Variants in TTC6 observed in about 807,000 individuals in gnomAD.
TTC6 encodes tetratricopeptide repeat protein 6.
Under a neutral mutation model 210.4 loss-of-function variants are expected in TTC6, and 172 were observed. The ratio of observed to expected loss-of-function variants is 0.82; its 90% CI spans 0.72 to 0.93. The LOEUF (loss-of-function observed/expected upper bound fraction) is 0.93. TTC6 is among the 40% of genes least tolerant of loss of function. The pLI is 0.00. For synonymous variants in TTC6, 804 were observed against 819.6 expected, an observed-to-expected ratio of 0.98 and a Z score of 0.32; for missense variants, 2,414 against 2,318.1, an observed-to-expected ratio of 1.04 and a Z score of -0.85.
intron 1 of TTC6, among the ~76,000 whole-genome samples, chr14:37,662,276 T>C (rs545008825): frequency 6.6e-6 from 1 of 152,322 alleles, no homozygotes; most frequent in South Asian, 2.1e-4. Context: ...CAGTATGATA[T>C]TGGCTGTGGG....
chr14:37,799,267 AACT>A (rs2096100157), intron 20 of TTC6, among the ~76,000 whole-genome samples: 1 of 152,196 alleles, frequency 6.6e-6, no homozygotes, highest in Non-Finnish European at 1.5e-5. Context: ...AATCATGAGA[AACT>A]ACCTTTAGTA....
intron 1 of TTC6, among the ~76,000 whole-genome samples, chr14:37,669,639 A>G (rs1483793824): frequency 6.6e-6 from 1 of 152,196 alleles, no homozygotes; most frequent in Non-Finnish European, 1.5e-5. Flanking sequence ...AGTGATCATA[A>G]TAGACTTTTG....
chr14:37,792,445 TA>T (rs969791833), intron 17 of TTC6, 31 bp downstream of exon 19: 11 of 1,432,454 alleles, frequency 7.7e-6, no homozygotes, highest in South Asian at 4.5e-5. Flanking sequence ...TTGATTTTTT[TA>T]AAAAAACTTT....
chr14:37,787,885 G>GTC (rs1475530526), intron 15 of TTC6, among the ~76,000 whole-genome samples: 2 of 89,766 alleles, frequency 2.2e-5, no homozygotes, highest in Non-Finnish European at 4.1e-5. Flanking sequence ...ATGTGTGTGT[G>GTC]TGTCTGTGTG....
intron 14 of TTC6, among the ~76,000 whole-genome samples, chr14:37,754,313 C>T (rs573291885): frequency 1.9e-4 from 29 of 152,210 alleles, no homozygotes; most frequent in African/African-American, 6.7e-4. Context: ...GTTCAATTCC[C>T]ACTTATAAGT....
chr14:37,636,470 A>G (rs942953833), intron 1 of TTC6, among the ~76,000 whole-genome samples: 1 of 152,222 alleles, frequency 6.6e-6, no homozygotes, highest in African/African-American at 2.4e-5. Flanking sequence ...CAAAATGATG[A>G]TAGGAAAATC....
chr14:37,691,500 A>G (rs752566088), intron 3 of TTC6, among the ~76,000 whole-genome samples: 3 of 152,200 alleles, frequency 2.0e-5, no homozygotes. Flanking sequence ...GAAACAAATG[A>G]TAATGGAAAC....
chr14:37,732,465 G>A (rs1394235902), intron 7 of TTC6, among the ~76,000 whole-genome samples: 15 of 151,314 alleles, frequency 9.9e-5, no homozygotes, highest in African/African-American at 3.6e-4. Flanking sequence ...TTACAGTCGT[G>A]AGCCACCACG....
At chr14:37,606,713 A>G (rs994201046) in exon 2 of TTC6, 1 of 984,952 alleles carries the variant, frequency 1.0e-6, no homozygotes, top group Non-Finnish European at 1.2e-6. Context: ...CTGAGTGATG[A>G]GGAGAGGAAC....
At chr14:37,808,810 A>G in exon 24 of TTC6, 1 of 1,540,948 alleles carries the variant, frequency 6.5e-7, no homozygotes, top group South Asian at 1.2e-5. Flanking sequence ...TTTATAACAG[A>G]GCATTATGTT....
chr14:37,826,480 C>A (rs1311281731), intron 28 of TTC6, 133 bp downstream of exon 30: 3 of 824,988 alleles, frequency 3.6e-6, no homozygotes, highest in Non-Finnish European at 5.2e-6. Context: ...TTTTTTTTAA[C>A]CCAAGTGATC....
chr14:37,819,258 G>A (rs2096149877), intron 26 of TTC6, among the ~76,000 whole-genome samples: 1 of 152,020 alleles, frequency 6.6e-6, no homozygotes, highest in Non-Finnish European at 1.5e-5. Flanking sequence ...TTTATTTCAG[G>A]AAAAATATTT....
At chr14:37,775,119 T>C (rs1342912736) in intron 14 of TTC6, among the ~76,000 whole-genome samples, 2 of 152,206 alleles carry the variant, frequency 1.3e-5, no homozygotes, top group African/African-American at 2.4e-5. Flanking sequence ...GATCTTCTTA[T>C]TTTGTAATTT....
intron 17 of TTC6, among the ~76,000 whole-genome samples, chr14:37,792,774 T>TG (rs2096083130): frequency 2.3e-5 from 3 of 129,236 alleles, no homozygotes; most frequent in African/African-American, 1.0e-4. Flanking sequence ...TATGGTCCAA[T>TG]GTTGTGTGTG....
At chr14:37,735,737 A>T (rs953440286) in intron 7 of TTC6, among the ~76,000 whole-genome samples, 184 bp from the exon 10 acceptor site, 2 of 152,182 alleles carry the variant, frequency 1.3e-5, no homozygotes, top group Admixed American at 1.3e-4. Flanking sequence ...GGTTTTGGCC[A>T]AATACTAAGG....
Position 37,666,143 on chromosome 14 carries a change from G to A in TTC6, c.940-14008G>A, listed in dbSNP as rs1265366842. Among the ~76,000 whole-genome samples the A allele has an allele frequency of 2.0e-5, 3 of 150,280 alleles. 1 individual carries two copies. The highest frequency in any genetic ancestry group is 4.2e-4 in the South Asian group (2 of 4,726). Reference sequence around the variant, plus strand: ...CCTTGGGTCCTGTGGAGGGGTGAGGGCAGGAATGAGTGGGTGGGCTGTGGT... The same window carrying A: ...CCTTGGGTCCTGTGGAGGGGTGAGGACAGGAATGAGTGGGTGGGCTGTGGT... On this transcript the variant is annotated intron_variant, in intron 1 of 30. Transcript: ENST00000553443.
chr14:37,762,983 C>A (rs1270779845), intron 14 of TTC6, among the ~76,000 whole-genome samples: 2 of 149,710 alleles, frequency 1.3e-5, no homozygotes. Flanking sequence ...CTCCCGGGTT[C>A]ACGCCATTCT....
intron 1 of TTC6, among the ~76,000 whole-genome samples, chr14:37,630,765 T>C (rs1182950392): frequency 1.3e-5 from 2 of 152,162 alleles, no homozygotes; most frequent in Non-Finnish European, 2.9e-5. Flanking sequence ...TGGGTGCTCT[T>C]GTATTGGGTG....
chr14:37,651,460 A>C (rs2095712963), intron 1 of TTC6, among the ~76,000 whole-genome samples: 2 of 77,152 alleles, frequency 2.6e-5, no homozygotes, highest in Admixed American at 3.4e-4. Flanking sequence ...TTTTCCATCC[A>C]TGATTCATTT....
Sources: allele counts gnomAD v4.1 joint callset (sites outside exome capture counted in the v4.1 genomes callset), GRCh38; gene constraint gnomAD v4.1.1; transcripts MANE v1.5; gene names NCBI Gene and HGNC (gene_info 2026-07-23, HGNC 2026-07-21).